Variants in VPS4A observed in about 807,000 individuals in gnomAD.
VPS4A encodes vacuolar protein sorting-associated protein 4A.
Under a neutral mutation model 52.3 loss-of-function variants are expected in VPS4A, and 20 were observed. The observed-to-expected ratio is 0.38, with a 90% CI of 0.27 to 0.56. VPS4A has a LOEUF of 0.56. VPS4A is among the 20% of genes least tolerant of loss of function. The probability of loss-of-function intolerance (pLI) is 0.72; values close to 1 mark genes in which losing one functional copy is unlikely to be tolerated. For missense variants in VPS4A, 419 were observed against 575.9 expected (o/e 0.73, Z 2.79); for synonymous variants, 293 against 227.7 (o/e 1.29, Z -2.58).
chr16:69,317,818 G>A (rs572637461), intron 3 of VPS4A, among the ~76,000 whole-genome samples: 1 of 152,086 alleles, frequency 6.6e-6, no homozygotes, highest in African/African-American at 2.4e-5. Flanking sequence ...CAGGCATTGT[G>A]GCATGTGCCT....
At position 69,318,673 on chromosome 16, in the gene VPS4A, A is replaced by T; in HGVS notation, c.305A>T (p.Asp102Val). ...AGCAGTGACAGTGACAGTGAAGGGG[A>T]TAATCCGGAGAAAAAGAAACTGCAA... is the stretch of plus-strand genomic sequence containing the variant. ...GKGSDSDSEG[D>V]NPEKKKLQEQ... The change falls in exon 4 of 11, where the codon GAT becomes GTT. Residue 102 changes from aspartate to valine, a missense_variant. Physicochemically the swap from Asp to Val is radical, Grantham distance 152 (BLOSUM62 -3). Around this residue, in one of 3 missense-constraint regions of VPS4A, gnomAD observed 131 missense variants for 165.4 expected, o/e 0.79. Coordinates refer to ENST00000254950, the MANE Select transcript of VPS4A (RefSeq NM_013245.3). 1 of 1,612,794 alleles carries T rather than the reference A, an allele frequency of 6.2e-7. No homozygotes were observed. Among genetic ancestry groups the T allele is most frequent in the East Asian group, 2.2e-5 (1 of 44,818 alleles).
At chr16:69,316,166 CGGA>C in intron 2 of VPS4A, 47 bp downstream of exon 2, 1 of 1,611,944 alleles carries the variant, frequency 6.2e-7, no homozygotes, top group Non-Finnish European at 8.5e-7. Flanking sequence ...CAGAGGGGAG[CGGA>C]GGAGAGGGGG....
chr16:69,317,461 C>G (rs771311258), intron 3 of VPS4A, among the ~76,000 whole-genome samples: 5 of 152,014 alleles, frequency 3.3e-5, no homozygotes, highest in Non-Finnish European at 7.4e-5. Context: ...ATTTCAAAAC[C>G]AGCCTGGCCA....
In VPS4A at chr16:69,316,337, G is replaced by A. The variant is rs2143251124; in HGVS notation, c.246G>A (p.Lys82=). Residue 82 remains lysine, a synonymous_variant, in exon 3 of 11, where the codon AAG becomes AAA. Coordinates refer to ENST00000254950, the MANE Select transcript of VPS4A (RefSeq NM_013245.3). ...DYLRSKEKHG[K]KPVKENQSEG... ...TACGAAGCAAAGAGAAACACGGCAA[G>A]AAGCCAGTCAAAGAGAACCAGAGTG... 1.9e-6 allele frequency: 3 copies of A among 1,613,858 alleles called. No individual in the cohort carries two copies. Among genetic ancestry groups the A allele is most frequent in the Non-Finnish European group, 2.5e-6 (3 of 1,179,862 alleles).
rs1373562140 is a variant in VPS4A at position 69,324,498 on chromosome 16, T to C, written c.*189T>C. 6 of 619,788 alleles carry C rather than the reference T, an allele frequency of 9.7e-6. No homozygotes were observed. Among genetic ancestry groups the C allele is most frequent in the Non-Finnish European group, 1.4e-5 (5 of 349,142 alleles). 38.4% of individuals were successfully genotyped at this position (619,788 alleles called of 1,614,324 possible). The stretch of plus-strand genomic sequence containing the variant: ...CAGCCACAGAGACACTCCACTGCCC[T>C]GGGGCACACAGTGGACACTGCTCTT... On this transcript the variant is annotated 3_prime_UTR_variant, in exon 11 of 11. Transcript: ENST00000254950.
Position 69,320,642 on chromosome 16 carries a change from C to G in VPS4A, c.770-46C>G. The G allele has an allele frequency of 6.6e-7, 1 of 1,525,242 alleles. No individual in the cohort carries two copies. The highest frequency in any genetic ancestry group is 8.9e-7 in the Non-Finnish European group (1 of 1,121,794). The allele number at this position is 1,525,242 out of a possible 1,614,324, so 94.5% of individuals were successfully genotyped here. A position where few individuals can be genotyped will look rare whatever the true frequency, so the allele number is the denominator to read the frequency against. ...GTCTGTCCCCAGGTTTCAACTGACCCGTGCAGGTGTCCAGAGTCTGAGTCT... is the reference window on the plus strand; with the variant it reads ...GTCTGTCCCCAGGTTTCAACTGACCGGTGCAGGTGTCCAGAGTCTGAGTCT... On this transcript the variant is annotated intron_variant, in intron 7 of 10. Coordinates refer to ENST00000254950, the MANE Select transcript of VPS4A (RefSeq NM_013245.3). This position sits in a 1 kb window ranked among gnomAD's most constrained non-coding sequence, Gnocchi z 4.2.
chr16:69,314,343 A>G (rs951658433), intron 1 of VPS4A, among the ~76,000 whole-genome samples: 1 of 152,118 alleles, frequency 6.6e-6, no homozygotes, highest in Non-Finnish European at 1.5e-5. Context: ...CTTATGGGAC[A>G]AAGAATACCT....
intron 9 of VPS4A, 94 bp from the exon 10 acceptor site, chr16:69,322,466 G>C (rs1010962267): frequency 7.3e-7 from 1 of 1,373,562 alleles, no homozygotes; most frequent in Non-Finnish European, 9.7e-7. Context: ...GGGACCCACA[G>C]AGCATTCTCT....
At chr16:69,314,639 C>G (rs977183477) in intron 1 of VPS4A, among the ~76,000 whole-genome samples, 3 of 152,220 alleles carry the variant, frequency 2.0e-5, no homozygotes, top group African/African-American at 7.2e-5. Flanking sequence ...TCTCTTCAAT[C>G]CGCTGAGTTC....
At position 69,320,437 on chromosome 16, in the gene VPS4A, A is replaced by G. The variant is rs544427722; in HGVS notation, c.769+148A>G. 6.6e-5 allele frequency: 80 copies of G among 1,213,664 alleles called. No individual in the cohort carries two copies. In the South Asian group the frequency reaches 8.5e-4, roughly 13 times the overall value. 75.2% of individuals were successfully genotyped at this position (1,213,664 alleles called of 1,614,324 possible). A position where few individuals can be genotyped will look rare whatever the true frequency, so the allele number is the denominator to read the frequency against. On this transcript the variant is annotated intron_variant, in intron 7 of 10. Coordinates refer to ENST00000254950, the MANE Select transcript of VPS4A (RefSeq NM_013245.3). This position sits in a 1 kb window ranked among gnomAD's most constrained non-coding sequence, Gnocchi z 4.2. ...CCCCTCAGGGCACGGGTGGACTTCA[A>G]TTCCCAAGAGGTGCCTGAGGCCTCT... is the stretch of plus-strand genomic sequence containing the variant.
chr16:69,312,254 GTGA>G (rs1965386789), intron 1 of VPS4A, among the ~76,000 whole-genome samples: 1 of 152,068 alleles, frequency 6.6e-6, no homozygotes, highest in African/African-American at 2.4e-5. Flanking sequence ...CTAGGTTGTT[GTGA>G]TGATAGCTTT....
At position 69,320,426 on chromosome 16, in the gene VPS4A, G is replaced by A; in HGVS notation, c.769+137G>A. ...CCCAGCTCCAGCCCCTCAGGGCACG[G>A]GTGGACTTCAATTCCCAAGAGGTGC... On this transcript the variant is annotated intron_variant, in intron 7 of 10. Coordinates refer to ENST00000254950, the MANE Select transcript of VPS4A (RefSeq NM_013245.3). The surrounding 1 kb of genome is among the most constrained non-coding windows in gnomAD (Gnocchi z 4.2). 1 of 1,299,576 alleles carries A rather than the reference G, an allele frequency of 7.7e-7. No homozygotes were observed. Among genetic ancestry groups the A allele is most frequent in the Non-Finnish European group, 1.0e-6 (1 of 955,154 alleles). The allele number at this position is 1,299,576 out of a possible 1,614,324, so 80.5% of individuals were successfully genotyped here.
chr16:69,316,166 C>G (rs12708896), intron 2 of VPS4A, 47 bp downstream of exon 2: 399,874 of 1,611,876 alleles, frequency 0.25, 52,423 homozygotes, highest in African/African-American at 0.39. Flanking sequence ...CAGAGGGGAG[C>G]GGAGGAGAGG....
chr16:69,321,405 G>A lies in VPS4A; in HGVS notation c.1071+135G>A. ...CTCTGAGGCCTCCTGGAGAGCCGAG[G>A]GCCAGTGCCATGGGGGCTGCACCCA... On this transcript the variant is annotated intron_variant, in intron 9 of 10. Transcript: ENST00000254950. The surrounding 1 kb of genome is among the most constrained non-coding windows in gnomAD (Gnocchi z 4.5). 1.0e-6 allele frequency: 1 copy of A among 953,076 alleles called. No individual in the cohort carries two copies. Among genetic ancestry groups the A allele is most frequent in the South Asian group, 1.7e-5 (1 of 60,214 alleles). The allele number at this position is 953,076 out of a possible 1,614,324, so 59.0% of individuals were successfully genotyped here.
rs2143274177 is a variant in VPS4A at position 69,324,336 on chromosome 16, A to C, written c.*27A>C. 1 of 1,608,966 alleles carries C rather than the reference A, an allele frequency of 6.2e-7. No homozygotes were observed. The highest frequency in any genetic ancestry group is 2.2e-5 in the East Asian group (1 of 44,812). On this transcript the variant is annotated 3_prime_UTR_variant, in exon 11 of 11. Coordinates refer to ENST00000254950, the MANE Select transcript of VPS4A (RefSeq NM_013245.3). ...AGCTGCTTCACTTGGGCAATGGTGA[A>C]GGTGGGAGGTTGATTGGGGCAAATC...
Position 69,320,502 on chromosome 16 carries a change from C to T in VPS4A, c.770-186C>T. 1.2e-6 allele frequency: 1 copy of T among 805,916 alleles called. No homozygotes were observed. Among genetic ancestry groups the T allele is most frequent in the Non-Finnish European group, 1.9e-6 (1 of 515,434 alleles). 49.9% of individuals were successfully genotyped at this position (805,916 alleles called of 1,614,324 possible). On this transcript the variant is annotated intron_variant, in intron 7 of 10. Transcript: ENST00000254950. The surrounding 1 kb of genome is among the most constrained non-coding windows in gnomAD (Gnocchi z 4.2). ...TCCACCCCTCCCATGGCAGGCAGTG[C>T]CATAGGTCTCACCTGGCACAGCCAG...
intron 6 of VPS4A, among the ~76,000 whole-genome samples, chr16:69,319,804 TG>T (rs1182765860): frequency 1.3e-5 from 2 of 152,158 alleles, no homozygotes; most frequent in Non-Finnish European, 2.9e-5. Context: ...TTGCGGTCCC[TG>T]TTGGGGCAGT....
chr16:69,322,539 G>T, intron 9 of VPS4A, 21 bp from the exon 10 acceptor site: 1 of 1,607,264 alleles, frequency 6.2e-7, no homozygotes, highest in Admixed American at 1.7e-5. Context: ...AGCTGCCCCA[G>T]TCAGATCCAT....
rs1965527882 is a variant in VPS4A, at chr16:69,322,613, T to C, written c.1125T>C (p.Thr375=). The C allele has an allele frequency of 1.2e-6, 2 of 1,613,724 alleles. No homozygotes were observed. The highest frequency in any genetic ancestry group is 1.7e-5 in the Admixed American group (1 of 59,990). Residue 375 remains threonine, a synonymous_variant, in exon 10 of 11, where the codon ACT becomes ACC. Coordinates refer to ENST00000254950, the MANE Select transcript of VPS4A (RefSeq NM_013245.3). ...GCATGATGATTGATGACCTCCTGAC[T>C]CCATGCTCACCAGGGGACCCAGGAG... ...NPSMMIDDLL[T]PCSPGDPGAM...
Sources: allele counts gnomAD v4.1 joint callset (sites outside exome capture counted in the v4.1 genomes callset), GRCh38; gene constraint gnomAD v4.1.1; regional missense constraint gnomAD v4.1.1; non-coding constraint Gnocchi (gnomAD v3.1); transcripts MANE v1.5; gene names NCBI Gene and HGNC (gene_info 2026-07-23, HGNC 2026-07-21).